SEMA3A: variants seen among roughly 807,000 people sequenced by gnomAD.
SEMA3A encodes the protein semaphorin-3A.
A neutral mutation model predicts 97.9 loss-of-function variants in SEMA3A; 29 were observed. That is an observed-to-expected ratio of 0.30 (90% CI 0.22 to 0.40). The LOEUF is 0.40. Ranked by LOEUF, SEMA3A falls within the 10% of genes least tolerant of loss-of-function variation. The pLI, the probability that SEMA3A is intolerant of heterozygous loss-of-function variation, is 1.00. For synonymous variants in SEMA3A, 321 were observed against 323.7 expected, an observed-to-expected ratio of 0.99 and a Z score of 0.09; for missense variants, 763 against 951.3, an observed-to-expected ratio of 0.80 and a Z score of 2.60.
chr7:84,287,776 T>G (rs1217227413), intron 3 of SEMA3A, among the ~76,000 whole-genome samples: 1 of 152,132 alleles, frequency 6.6e-6, no homozygotes, highest in Non-Finnish European at 1.5e-5. Context: ...CGTTTACAAC[T>G]GATTTACCAT....
chr7:84,084,510 G>A (rs930188076), intron 4 of SEMA3A, among the ~76,000 whole-genome samples: 4 of 149,516 alleles, frequency 2.7e-5, no homozygotes, highest in Admixed American at 2.0e-4. Context: ...CAGTTTGTTC[G>A]ACAGACTGTA....
intron 2 of SEMA3A, among the ~76,000 whole-genome samples, chr7:84,133,810 A>G (rs970709250): frequency 4.1e-5 from 6 of 147,028 alleles, no homozygotes; most frequent in Admixed American, 1.4e-4. Context: ...CAGCACTTTG[A>G]GAGGCCAAGG....
Position 84,465,899 on chromosome 7 carries a change from A to G in SEMA3A, c.-246+26561T>C, listed in dbSNP as rs1410884636. 2.0e-5 allele frequency among the ~76,000 whole-genome samples: 3 copies of G among 152,052 alleles called. No individual in the cohort carries two copies. The South Asian group carries it at 6.2e-4, about 32-fold the overall frequency. On this transcript the variant is annotated intron_variant, in intron 1 of 3. Transcript: ENST00000424555. ...TCCTCTTCCCCAATACCTTTATCCC[A>G]ACTTTATCCCAAAACTATCTTCTGT...
intron 3 of SEMA3A, among the ~76,000 whole-genome samples, chr7:84,249,750 G>A (rs1681328491): frequency 6.6e-6 from 1 of 150,740 alleles, no homozygotes; most frequent in Non-Finnish European, 1.5e-5. Flanking sequence ...TGTCATCTTG[G>A]GCAAGTTACA....
chr7:84,259,343 A>C (rs933169297), intron 3 of SEMA3A, among the ~76,000 whole-genome samples: 1 of 152,094 alleles, frequency 6.6e-6, no homozygotes, highest in Non-Finnish European at 1.5e-5. Context: ...GACCAAAGAG[A>C]CGAGTATGTT....
Position 84,134,292 on chromosome 7 carries a change from C to T in SEMA3A, c.270+502G>A, listed in dbSNP as rs192999654. 6.5e-3 allele frequency among the ~76,000 whole-genome samples: 987 copies of T among 152,202 alleles called. 1 individual carries two copies. Among genetic ancestry groups the T allele is most frequent in the Non-Finnish European group, 0.011 (731 of 67,992 alleles). ...TACCCTTTGTAACTATTGAATTCTG[C>T]TGTTGTAGCACAAAAACAGACATAG... On this transcript the variant is annotated intron_variant, in intron 2 of 16. Transcript: ENST00000265362.
chr7:84,145,591 G>A (rs1562811356), intron 1 of SEMA3A, among the ~76,000 whole-genome samples: 1 of 151,902 alleles, frequency 6.6e-6, no homozygotes, highest in Non-Finnish European at 1.5e-5. Context: ...TTATAAACTG[G>A]CTATCAAATA....
intron 1 of SEMA3A, among the ~76,000 whole-genome samples, chr7:84,184,627 T>TG (rs1478935548): frequency 6.6e-6 from 1 of 151,958 alleles, no homozygotes; most frequent in Non-Finnish European, 1.5e-5. Flanking sequence ...AATCCTTTTT[T>TG]TTTTTGCAAT....
In SEMA3A at chr7:83,957,771, C is replaced by T. The variant is rs1788326844; in HGVS notation, c.*3600G>A. On this transcript the variant is annotated 3_prime_UTR_variant, in exon 17 of 17. Transcript: ENST00000265362. ...GGAAACATGTATTTGCAAACATTAACATTGACTTCAAATAATTATTACAAA... is the reference window on the plus strand; with the variant it reads ...GGAAACATGTATTTGCAAACATTAATATTGACTTCAAATAATTATTACAAA... 1 of 151,996 alleles carries T rather than the reference C, an allele frequency of 6.6e-6. No individual in the cohort carries two copies. The highest frequency in any genetic ancestry group is 1.9e-4 in the East Asian group (1 of 5,182). 9.4% of individuals were successfully genotyped at this position (151,996 alleles called of 1,614,324 possible).
At chr7:84,404,638 C>A (rs928586734) in intron 1 of SEMA3A, among the ~76,000 whole-genome samples, 2 of 152,060 alleles carry the variant, frequency 1.3e-5, no homozygotes, top group African/African-American at 4.8e-5. Flanking sequence ...TAAGGGCAGC[C>A]AGAGAGAAAG....
intron 3 of SEMA3A, among the ~76,000 whole-genome samples, chr7:84,292,048 T>G (rs1198454767): frequency 6.6e-6 from 1 of 152,142 alleles, no homozygotes; most frequent in African/African-American, 2.4e-5. Context: ...TTGCTACTTC[T>G]AAGCTAATCC....
intron 4 of SEMA3A, among the ~76,000 whole-genome samples, chr7:84,086,664 T>C (rs1794385390): frequency 6.8e-6 from 1 of 146,648 alleles, no homozygotes; most frequent in Non-Finnish European, 1.5e-5. Context: ...GCACAACTCA[T>C]ATATATGTAT....
intron 4 of SEMA3A, among the ~76,000 whole-genome samples, chr7:84,064,468 G>C (rs929644629): frequency 2.8e-4 from 42 of 152,188 alleles, no homozygotes; most frequent in African/African-American, 9.6e-4. Flanking sequence ...AAAAGACACA[G>C]ACTGGCAAAT....
rs756050836 is a variant in SEMA3A at position 84,194,557 on chromosome 7, A to G, written c.30T>C (p.Leu10=). The G allele has an allele frequency of 1.2e-6, 2 of 1,613,046 alleles. No homozygotes were observed. Among genetic ancestry groups the G allele is most frequent in the Non-Finnish European group, 1.7e-6 (2 of 1,179,200 alleles). The part of the protein sequence containing the change: MGWLTRIVC[L]FWGVLLTARA... ...TTGCTGTAAGTAATACTCCCCAGAA[A>G]AGACAGACAATCCTAGTTAACCAGC... Residue 10 remains leucine, a synonymous_variant, in exon 1 of 17, where the codon CTT becomes CTC. Transcript: ENST00000265362.
intron 1 of SEMA3A, among the ~76,000 whole-genome samples, chr7:84,473,602 T>C (rs969060900): frequency 1.3e-5 from 2 of 151,920 alleles, no homozygotes; most frequent in Non-Finnish European, 2.9e-5. Flanking sequence ...CTAACCAGGC[T>C]GGACTCCAAC....
intron 1 of SEMA3A, among the ~76,000 whole-genome samples, chr7:84,429,473 G>A (rs778269559): frequency 3.0e-5 from 4 of 134,948 alleles, no homozygotes; most frequent in Admixed American, 8.2e-5. Flanking sequence ...ATTATGTAAC[G>A]TGGTTAAATA....
intron 1 of SEMA3A, among the ~76,000 whole-genome samples, chr7:84,488,317 TAC>T (rs67659986): frequency 0.17 from 25,260 of 145,428 alleles, 2,244 homozygotes; most frequent in Middle Eastern, 0.23. Flanking sequence ...TCTTCGTATA[TAC>T]ACACACACAC....
At chr7:84,445,274 G>T (rs1805380285) in intron 1 of SEMA3A, among the ~76,000 whole-genome samples, 2 of 151,376 alleles carry the variant, frequency 1.3e-5, no homozygotes, top group African/African-American at 2.4e-5. Context: ...GGCGGATCAC[G>T]AGTTCAGGAG....
chr7:84,063,285 G>A (rs373089317), intron 4 of SEMA3A, among the ~76,000 whole-genome samples: 1,674 of 141,122 alleles, frequency 0.012, 14 homozygotes, highest in East Asian at 0.024. Flanking sequence ...CCATCATTGA[G>A]GACCAAAAGT....
Sources: gnomAD v4.1 joint callset for allele counts (sites outside exome capture counted in the v4.1 genomes callset) on GRCh38, gnomAD v4.1.1 for gene constraint, MANE v1.5 for transcripts, NCBI Gene and HGNC (gene_info 2026-07-23, HGNC 2026-07-21) for gene names.